CAPN2: variants seen among roughly 807,000 people sequenced by gnomAD.
CAPN2 encodes the protein calpain 2, also known as calpain-2 catalytic subunit.
A neutral mutation model predicts 102.3 loss-of-function variants in CAPN2; 92 were observed. The observed-to-expected ratio is 0.90, with a 90% CI of 0.76 to 1.07. The LOEUF (loss-of-function observed/expected upper bound fraction) is 1.07. Among genes scored for constraint, CAPN2 ranks in the 50% least tolerant of loss-of-function variants. CAPN2 has a pLI of 0.00. For missense variants in CAPN2, 800 were observed against 909.4 expected (o/e 0.88, Z 1.55); for synonymous variants, 340 against 355.4 (o/e 0.96, Z 0.49).
intron 9 of CAPN2, 52 bp downstream of exon 9, chr1:223,753,008 A>C (rs1660944491): frequency 6.4e-7 from 1 of 1,574,340 alleles, no homozygotes; most frequent in Non-Finnish European, 8.7e-7. Context: ...ACCAAAGGCC[A>C]AAGCTCCCCT....
intron 1 of CAPN2, among the ~76,000 whole-genome samples, 174 bp from the exon 2 acceptor site, chr1:223,717,588 G>A (rs1332972992): frequency 6.6e-6 from 1 of 152,148 alleles, no homozygotes; most frequent in East Asian, 1.9e-4. Context: ...AGGGCCCAGG[G>A]AGCAGGGGTC....
At chr1:223,705,813 A>T (rs1466558800) in intron 1 of CAPN2, among the ~76,000 whole-genome samples, 1 of 152,256 alleles carries the variant, frequency 6.6e-6, no homozygotes, top group African/African-American at 2.4e-5. Flanking sequence ...GCTGCTGATG[A>T]TAACAATGAT....
rs1002164151 is a variant in CAPN2 at position 223,759,055 on chromosome 1, T to A, written c.1318-215T>A. On this transcript the variant is annotated intron_variant, in intron 11 of 20. Coordinates refer to ENST00000295006, the MANE Select transcript of CAPN2 (RefSeq NM_001748.5). This position sits in a 1 kb window ranked among gnomAD's most constrained non-coding sequence, Gnocchi z 4.6. The stretch of plus-strand genomic sequence containing the variant: ...CTGTACTGCTATTTTTTTAAAAAAA[T>A]TTTGTTGTTTTGTTGTTGTTGTCGT... 5 of 581,686 alleles carry A rather than the reference T, an allele frequency of 8.6e-6. No individual in the cohort carries two copies. The highest frequency in any genetic ancestry group is 2.0e-5 in the South Asian group (1 of 48,972). The allele number at this position is 581,686 out of a possible 1,614,324, so 36.0% of individuals were successfully genotyped here. A position where few individuals can be genotyped will look rare whatever the true frequency, so the allele number is the denominator to read the frequency against.
At chr1:223,740,776 C>G (rs1397938336) in intron 2 of CAPN2, among the ~76,000 whole-genome samples, 1 of 152,146 alleles carries the variant, frequency 6.6e-6, no homozygotes, top group African/African-American at 2.4e-5. Context: ...ACTATTTATT[C>G]CTAATTAAAT....
Position 223,712,630 on chromosome 1 carries a change from G to C in CAPN2, c.-11G>C, listed in dbSNP as rs60663921. ...CCTTTCTCTGCGCAGTACGGCCGCCGGGACCGCAGCATGGCGGGCATCGCG... is the reference window on the plus strand; with the variant it reads ...CCTTTCTCTGCGCAGTACGGCCGCCCGGACCGCAGCATGGCGGGCATCGCG... On this transcript the variant is annotated 5_prime_UTR_variant, in exon 1 of 21. Coordinates refer to ENST00000295006, the MANE Select transcript of CAPN2 (RefSeq NM_001748.5). The C allele has an allele frequency of 1.3e-5, 19 of 1,515,216 alleles. No individual in the cohort carries two copies. The African/African-American group carries it at 2.3e-4, about 18-fold the overall frequency. 93.9% of individuals were successfully genotyped at this position (1,515,216 alleles called of 1,614,324 possible).
At chr1:223,705,145 T>C (rs1659575175) in intron 1 of CAPN2, among the ~76,000 whole-genome samples, 1 of 152,172 alleles carries the variant, frequency 6.6e-6, no homozygotes, top group Non-Finnish European at 1.5e-5. Context: ...ACTTTCAATA[T>C]CACTCCCTGT....
intron 2 of CAPN2, among the ~76,000 whole-genome samples, chr1:223,721,225 G>A (rs962754798): frequency 1.3e-5 from 2 of 152,196 alleles, no homozygotes; most frequent in Non-Finnish European, 2.9e-5. Context: ...CCTTCTGGAG[G>A]AAGGGCTGGA....
intron 9 of CAPN2, among the ~76,000 whole-genome samples, chr1:223,753,924 A>C (rs1322702963): frequency 6.6e-6 from 1 of 152,248 alleles, no homozygotes; most frequent in East Asian, 1.9e-4. Flanking sequence ...AAAATAGGAA[A>C]CACTTCTGGC....
intron 20 of CAPN2, 96 bp from the exon 21 acceptor site, chr1:223,774,738 C>G (rs1661569752): frequency 9.2e-7 from 1 of 1,082,220 alleles, no homozygotes; most frequent in South Asian, 1.3e-5. Flanking sequence ...ATCAGCTTTT[C>G]CAGTACAAGT....
chr1:223,760,154 C>G (rs777133004), intron 12 of CAPN2, among the ~76,000 whole-genome samples: 1 of 152,196 alleles, frequency 6.6e-6, no homozygotes, highest in Non-Finnish European at 1.5e-5. Context: ...GGGAATTCAT[C>G]GAAAGGCCAT....
At chr1:223,764,827 A>AT (rs1370124440) in intron 15 of CAPN2, among the ~76,000 whole-genome samples, 2 of 152,170 alleles carry the variant, frequency 1.3e-5, no homozygotes, top group Non-Finnish European at 2.9e-5. Context: ...GCCTCAAGTG[A>AT]TCTGCCCACC....
intron 15 of CAPN2, among the ~76,000 whole-genome samples, chr1:223,765,613 A>T (rs1661292967): frequency 6.6e-6 from 1 of 151,996 alleles, no homozygotes; most frequent in East Asian, 1.9e-4. Context: ...CTCTGAGCTT[A>T]CTACCCTACC....
In CAPN2 at chr1:223,750,973, C is replaced by A. The variant is rs1197020660; in HGVS notation, c.897C>A (p.Asp299Glu). Reference sequence around the variant, plus strand: ...TGGAGTGGACAGGGCGGTGGAATGACAAGTGAGGAGGGCGCAGGCCTCGGG... The same window carrying A: ...TGGAGTGGACAGGGCGGTGGAATGAAAAGTGAGGAGGGCGCAGGCCTCGGG... ...GEVEWTGRWN[D>E]NCPSWNTIDP... is the part of the protein sequence containing the mutation. Residue 299 changes from aspartate (D) to glutamate (E), a missense_variant and splice_region_variant, in exon 7 of 21, where the codon GAC becomes GAA. Asp to Glu is a conservative substitution (Grantham distance 45). Coordinates refer to ENST00000295006, the MANE Select transcript of CAPN2 (RefSeq NM_001748.5). 8 of 1,551,828 alleles carry A rather than the reference C, an allele frequency of 5.2e-6. No homozygotes were observed. The South Asian group carries it at 9.5e-5, about 18-fold the overall frequency.
At position 223,754,855 on chromosome 1, in the gene CAPN2, C is replaced by T. The variant is rs983029711; in HGVS notation, c.1136-625C>T. 1.3e-5 allele frequency among the ~76,000 whole-genome samples: 2 copies of T among 152,028 alleles called. No individual in the cohort carries two copies. The highest frequency in any genetic ancestry group is 4.8e-5 in the African/African-American group (2 of 41,388). On this transcript the variant is annotated intron_variant, in intron 9 of 20. Transcript: ENST00000295006. The surrounding 1 kb of genome is among the most constrained non-coding windows in gnomAD (Gnocchi z 4.7). Reference sequence around the variant, plus strand: ...GTGCAGGGAGCAGATCCCGGAGTCCCCCAGGCCAGCCGAGCCCCGCCCCAG... The same window carrying T: ...GTGCAGGGAGCAGATCCCGGAGTCCTCCAGGCCAGCCGAGCCCCGCCCCAG...
At chr1:223,711,088 C>T (rs1439794861), upstream of CAPN2, among the ~76,000 whole-genome samples, 1 of 152,192 alleles carries the variant, frequency 6.6e-6, no homozygotes, top group Non-Finnish European at 1.5e-5. Flanking sequence ...TGTTCAGCGG[C>T]ATCCCTGGCT....
intron 1 of CAPN2, among the ~76,000 whole-genome samples, chr1:223,707,079 C>CAAAAAA (rs34249886): frequency 2.5e-5 from 2 of 80,932 alleles, no homozygotes; most frequent in Non-Finnish European, 5.1e-5. Flanking sequence ...GACTCCACCT[C>CAAAAAA]AAAAAAAAAA....
chr1:223,766,471 G>A (rs755711537), intron 16 of CAPN2, 40 bp downstream of exon 16: 20 of 1,450,270 alleles, frequency 1.4e-5, no homozygotes, highest in Non-Finnish European at 1.9e-5. Context: ...GACTGGGGGA[G>A]TTTAAAATCT....
At chr1:223,766,758 G>A (rs28370154) in intron 16 of CAPN2, among the ~76,000 whole-genome samples, 5,056 of 152,160 alleles carry the variant, frequency 0.033, 149 homozygotes, top group Middle Eastern at 0.078. Flanking sequence ...TCAGGAGTTC[G>A]AGACCAGCCT....
chr1:223,745,494 A>C (rs1303260028), intron 4 of CAPN2, 55 bp downstream of exon 4: 12 of 1,602,778 alleles, frequency 7.5e-6, no homozygotes, highest in Non-Finnish European at 1.0e-5. Flanking sequence ...CCTGGATTCC[A>C]AAAAATTCAC....
Sources: allele counts gnomAD v4.1 joint callset (sites outside exome capture counted in the v4.1 genomes callset), GRCh38; gene constraint gnomAD v4.1.1; non-coding constraint Gnocchi (gnomAD v3.1); transcripts MANE v1.5; gene names NCBI Gene and HGNC (gene_info 2026-07-23, HGNC 2026-07-21).